SCNN1G: variants seen among roughly 807,000 people sequenced by gnomAD.
SCNN1G encodes sodium channel epithelial 1 subunit gamma.
Under a neutral mutation model 64.6 loss-of-function variants are expected in SCNN1G, and 27 were observed. The ratio of observed to expected loss-of-function variants is 0.42; its 90% CI spans 0.31 to 0.58. The LOEUF is 0.58. SCNN1G is among the 20% of genes least tolerant of loss of function. The pLI is 0.18. For synonymous variants in SCNN1G, 330 were observed against 314.2 expected (o/e 1.05, Z -0.53); for missense variants, 743 against 823.4 (o/e 0.90, Z 1.19).
rs190977146 is a variant in SCNN1G, at chr16:23,186,234, C to A, written c.-38C>A. The A allele has an allele frequency of 8.9e-5, 143 of 1,608,130 alleles. No homozygotes were observed. The highest frequency in any genetic ancestry group is 5.3e-5 in the African/African-American group (4 of 74,918). ...CTCTTCTTTGCCCCTCCAGCACGCC[C>A]GTCCTCAGAGTCCCGTCCTCAAAGT... On this transcript the variant is annotated 5_prime_UTR_variant, in exon 2 of 13. Coordinates refer to ENST00000300061, the MANE Select transcript of SCNN1G (RefSeq NM_001039.4).
chr16:23,193,902 T>C (rs1468425697), intron 4 of SCNN1G, among the ~76,000 whole-genome samples: 1 of 152,084 alleles, frequency 6.6e-6, no homozygotes, highest in Non-Finnish European at 1.5e-5. Flanking sequence ...GGGACAGACA[T>C]GGCACAAAGA....
At chr16:23,187,106 C>CTTTTTTTT (rs991130957) in intron 2 of SCNN1G, among the ~76,000 whole-genome samples, 1 of 117,906 alleles carries the variant, frequency 8.5e-6, no homozygotes, top group Non-Finnish European at 1.7e-5. Flanking sequence ...CTGGCCTTTT[C>CTTTTTTTT]TTTTTTTTTT....
intron 6 of SCNN1G, among the ~76,000 whole-genome samples, chr16:23,205,194 A>G (rs2141940407): frequency 6.6e-6 from 1 of 152,268 alleles, no homozygotes; most frequent in East Asian, 1.9e-4. Context: ...TTCGGATCCA[A>G]GCCTACATTC....
chr16:23,199,200 G>A (rs934742689), intron 6 of SCNN1G, among the ~76,000 whole-genome samples: 1 of 152,166 alleles, frequency 6.6e-6, no homozygotes, highest in Admixed American at 6.5e-5. Context: ...ATTCAAGCAA[G>A]TGCATATAGG....
At chr16:23,190,989 A>G (rs1051112077) in intron 3 of SCNN1G, among the ~76,000 whole-genome samples, 4 of 151,660 alleles carry the variant, frequency 2.6e-5, no homozygotes, top group African/African-American at 7.3e-5. Flanking sequence ...GATTACAGGC[A>G]TGCACCACCA....
Position 23,215,524 on chromosome 16 carries a change from T to G in SCNN1G, c.*55T>G. ...GACCACCAGCCATGGTCTAAGGACA[T>G]GGATCGGGTGCCCCCAGACGTGTGC... On this transcript the variant is annotated 3_prime_UTR_variant, in exon 13 of 13. Transcript: ENST00000300061. 6.3e-7 allele frequency: 1 copy of G among 1,594,620 alleles called. No individual in the cohort carries two copies. The highest frequency in any genetic ancestry group is 8.5e-7 in the Non-Finnish European group (1 of 1,174,868).
chr16:23,192,371 A>G lies in SCNN1G; in HGVS notation c.638A>G (p.Asp213Gly). 6.2e-7 allele frequency: 1 copy of G among 1,614,050 alleles called. No homozygotes were observed. The highest frequency in any genetic ancestry group is 8.5e-7 in the Non-Finnish European group (1 of 1,179,990). The change falls in exon 4 of 13, where the codon GAC becomes GGC. Residue 213 changes from aspartate (D) to glycine (G), a missense_variant. Physicochemically the swap from Asp to Gly is moderately conservative, Grantham distance 94. Transcript: ENST00000300061. Reference protein sequence around the residue: ...GFQLCSNDTSDCATYTFSSGI... With the variant: ...GFQLCSNDTSGCATYTFSSGI... Reference sequence around the variant, plus strand: ...TCACAGTGCTCAAATGACACCTCCGACTGTGCCACCTACACCTTCAGCTCG... The same window carrying G: ...TCACAGTGCTCAAATGACACCTCCGGCTGTGCCACCTACACCTTCAGCTCG...
chr16:23,191,956 C>A (rs916646536), intron 3 of SCNN1G, among the ~76,000 whole-genome samples: 2 of 152,188 alleles, frequency 1.3e-5, no homozygotes, highest in Non-Finnish European at 2.9e-5. Context: ...GTCTCTCCCC[C>A]TCCTGCAGAG....
In SCNN1G at chr16:23,215,280, C is replaced by A. The variant is rs1475309743; in HGVS notation, c.1761C>A (p.Ser587Arg). ...CCCCATGTCCAGAAGCTCCCCGTAG[C>A]CCACAGGGCCAGGACAATCCAGCCC... ...QAPPCPEAPR[S>R]PQGQDNPALD... Residue 587 changes from serine to arginine, a missense_variant, in exon 13 of 13, where the codon AGC (serine) becomes AGA (arginine). By Grantham distance (110) the Ser-to-Arg change is moderately radical (BLOSUM62 -1). Coordinates refer to ENST00000300061, the MANE Select transcript of SCNN1G (RefSeq NM_001039.4). 1.2e-6 allele frequency: 2 copies of A among 1,614,198 alleles called. No individual in the cohort carries two copies. Among genetic ancestry groups the A allele is most frequent in the Non-Finnish European group, 1.7e-6 (2 of 1,180,038 alleles).
In SCNN1G at chr16:23,186,486, C is replaced by G. The variant is rs773889282; in HGVS notation, c.215C>G (p.Ala72Gly). 1 of 1,614,080 alleles carries G rather than the reference C, an allele frequency of 6.2e-7. No individual in the cohort carries two copies. Among genetic ancestry groups the G allele is most frequent in the Non-Finnish European group, 8.5e-7 (1 of 1,180,004 alleles). The change falls in exon 2 of 13, where the codon GCC becomes GGC. Residue 72 changes from alanine (A) to glycine (G), a missense_variant. Ala to Gly is a moderately conservative substitution (Grantham distance 60). Transcript: ENST00000300061. ...GTGGCCCTCATCCTCTGGCAGTGCGCCCTCCTCGTCTTCTCCTTCTATACT... is the reference window on the plus strand; with the variant it reads ...GTGGCCCTCATCCTCTGGCAGTGCGGCCTCCTCGTCTTCTCCTTCTATACT... The part of the protein sequence containing the change: ...TAVALILWQC[A>G]LLVFSFYTVS...
chr16:23,213,471 C>T (rs1028990082), intron 11 of SCNN1G, among the ~76,000 whole-genome samples: 8 of 152,114 alleles, frequency 5.3e-5, no homozygotes, highest in Non-Finnish European at 1.0e-4. Flanking sequence ...AGGCTGGTCT[C>T]GAACTCCTGA....
intron 2 of SCNN1G, among the ~76,000 whole-genome samples, chr16:23,188,551 A>G (rs1425814247): frequency 1.3e-5 from 2 of 152,138 alleles, no homozygotes; most frequent in African/African-American, 4.8e-5. Context: ...AATTATCTAT[A>G]TGTATGTCTG....
rs577830434 is a variant in SCNN1G, at chr16:23,197,480, T to C, written c.1077+53T>C. 3.5e-5 allele frequency: 54 copies of C among 1,543,108 alleles called. 1 individual carries two copies. The highest frequency in any genetic ancestry group is 3.4e-4 in the South Asian group (30 of 89,196). On this transcript the variant is annotated intron_variant, in intron 6 of 12. Transcript: ENST00000300061. ...CTTGGAGAGAACAGATCTTTTTTTT[T>C]CCAAGGATAACCAATGGGGTGCAGC...
At chr16:23,183,239 G>T (rs1959550803) in intron 1 of SCNN1G, among the ~76,000 whole-genome samples, 1 of 152,228 alleles carries the variant, frequency 6.6e-6, no homozygotes, top group Admixed American at 6.5e-5. Flanking sequence ...GGTTGGATTC[G>T]CTCCAGCGCC....
chr16:23,204,081 C>A (rs958997733), intron 6 of SCNN1G, among the ~76,000 whole-genome samples: 1 of 150,880 alleles, frequency 6.6e-6, no homozygotes, highest in Non-Finnish European at 1.5e-5. Flanking sequence ...AGATTTGAGA[C>A]CAGTCTGGGC....
intron 8 of SCNN1G, 40 bp downstream of exon 8, chr16:23,212,191 C>A: frequency 7.4e-7 from 1 of 1,345,802 alleles, no homozygotes; most frequent in South Asian, 1.2e-5. Flanking sequence ...GCCCCAGGAC[C>A]AGGGTCAGCC....
intron 6 of SCNN1G, among the ~76,000 whole-genome samples, chr16:23,198,809 A>G (rs1200091812): frequency 1.3e-5 from 2 of 150,718 alleles, no homozygotes; most frequent in African/African-American, 4.9e-5. Flanking sequence ...AGTCCCAGCC[A>G]CTCAGGAGGC....
intron 6 of SCNN1G, among the ~76,000 whole-genome samples, chr16:23,205,772 C>T (rs934917155): frequency 1.1e-4 from 16 of 152,118 alleles, no homozygotes; most frequent in African/African-American, 3.9e-4. Context: ...CTGTTCCATC[C>T]CCAGCCTGGC....
intron 3 of SCNN1G, among the ~76,000 whole-genome samples, chr16:23,191,288 A>G (rs940003677): frequency 3.3e-5 from 5 of 152,188 alleles, no homozygotes; most frequent in Admixed American, 2.0e-4. Flanking sequence ...TTGATTGCCA[A>G]TTGTGTGACC....
Sources: allele counts gnomAD v4.1 joint callset (sites outside exome capture counted in the v4.1 genomes callset), GRCh38; gene constraint gnomAD v4.1.1; transcripts MANE v1.5; gene names NCBI Gene and HGNC (gene_info 2026-07-23, HGNC 2026-07-21).